Variants in KATNB1 observed in about 807,000 individuals in gnomAD.
KATNB1 encodes the protein katanin regulatory subunit B1.
Under a neutral mutation model 82.3 loss-of-function variants are expected in KATNB1, and 38 were observed. That is an observed-to-expected ratio of 0.46 (90% CI 0.36 to 0.61). The LOEUF is 0.61. Among genes scored for constraint, KATNB1 ranks in the 20% least tolerant of loss-of-function variants. The probability of loss-of-function intolerance (pLI) is 0.00; values close to 1 mark genes in which losing one functional copy is unlikely to be tolerated. For missense variants in KATNB1, 749 were observed against 915.7 expected, an observed-to-expected ratio of 0.82 and a Z score of 2.35; for synonymous variants, 361 against 368.7, an observed-to-expected ratio of 0.98 and a Z score of 0.24.
Position 57,753,406 on chromosome 16 carries a change from A to T in KATNB1, c.1064A>T (p.Glu355Val), listed in dbSNP as rs1408674053. 1 of 1,612,260 alleles carries T rather than the reference A, an allele frequency of 6.2e-7. No homozygotes were observed. The highest frequency in any genetic ancestry group is 8.5e-7 in the Non-Finnish European group (1 of 1,179,554). Reference sequence around the variant, plus strand: ...GCTCCCAGGGTGAAGCAGAACTCAGAGAGCGAGCGCCGCAGCCCCAGCAGC... The same window carrying T: ...GCTCCCAGGGTGAAGCAGAACTCAGTGAGCGAGCGCCGCAGCCCCAGCAGC... ...SKPQRVKQNSESERRSPSSED... is the reference protein window; with the variant it reads ...SKPQRVKQNSVSERRSPSSED... The change falls in exon 12 of 20, where the codon GAG (glutamate) becomes GTG (valine). Residue 355 changes from glutamate (E) to valine (V), a missense_variant. This residue lies in a region of KATNB1 where 407 missense variants were observed against 434.7 expected (regional missense o/e 0.94). Transcript: ENST00000379661.
chr16:57,752,634 T>C (rs2049237980), intron 9 of KATNB1, 33 bp downstream of exon 9: 4 of 1,548,694 alleles, frequency 2.6e-6, no homozygotes, highest in Non-Finnish European at 3.5e-6. Flanking sequence ...GGCCCAGCGC[T>C]CCTCCCGGCA....
At chr16:57,750,009 C>T (rs1555582565) in intron 4 of KATNB1, among the ~76,000 whole-genome samples, 1 of 152,220 alleles carries the variant, frequency 6.6e-6, no homozygotes, top group Non-Finnish European at 1.5e-5. Flanking sequence ...CCCATCACCT[C>T]CATCTACCTA....
At chr16:57,748,468 TA>T (rs66719702) in intron 4 of KATNB1, among the ~76,000 whole-genome samples, 40 of 134,482 alleles carry the variant, frequency 3.0e-4, no homozygotes, top group Admixed American at 1.1e-3. Flanking sequence ...TCTATTTTTT[TA>T]AAAAAAAAAA....
chr16:57,750,964 G>A (rs2049221983), intron 5 of KATNB1, 37 bp downstream of exon 5: 3 of 1,542,424 alleles, frequency 1.9e-6, no homozygotes, highest in Non-Finnish European at 2.7e-6. Context: ...CTCCTGCTGG[G>A]CCTGTGGCAG....
Position 57,751,918 on chromosome 16 carries a change from C to G in KATNB1, c.517-22C>G. The G allele has an allele frequency of 6.3e-7, 1 of 1,588,638 alleles. No individual in the cohort carries two copies. Among genetic ancestry groups the G allele is most frequent in the Non-Finnish European group, 8.6e-7 (1 of 1,158,224 alleles). ...AGCCAAGATGCCTGGTCACCCTGAC[C>G]TCCTCCCTGCCCTGCCTCCAGCTCT... On this transcript the variant is annotated intron_variant, in intron 7 of 19. Transcript: ENST00000379661. The surrounding 1 kb of genome is among the most constrained non-coding windows in gnomAD (Gnocchi z 6.3).
intron 4 of KATNB1, among the ~76,000 whole-genome samples, chr16:57,748,991 G>GCTA (rs2049204589): frequency 6.6e-6 from 1 of 152,250 alleles, no homozygotes; most frequent in South Asian, 2.1e-4. Context: ...GCACCTGATA[G>GCTA]CTACACGGAG....
At chr16:57,752,368 C>T (rs895158671) in intron 8 of KATNB1, 162 bp from the exon 9 acceptor site, 10 of 707,590 alleles carry the variant, frequency 1.4e-5, no homozygotes, top group Non-Finnish European at 1.9e-5. Flanking sequence ...GCCATCGGGC[C>T]GAGCCTCCCC....
At chr16:57,746,491 G>A (rs12708992) in intron 4 of KATNB1, among the ~76,000 whole-genome samples, 14,807 of 152,260 alleles carry the variant, frequency 0.097, 897 homozygotes, top group African/African-American at 0.16. Context: ...ATGCGGTTGT[G>A]GTCTGGAAAC....
chr16:57,756,699 G>A, intron 19 of KATNB1, 115 bp from the exon 20 acceptor site: 1 of 1,426,872 alleles, frequency 7.0e-7, no homozygotes, highest in African/African-American at 1.4e-5. Context: ...TCCCCTCTGG[G>A]CCTCCGCCTT....
rs941877483 is a variant in KATNB1, at chr16:57,752,820, C to T, written c.747C>T (p.Gly249=). The change falls in exon 10 of 20, where the codon GGC becomes GGT. Residue 249 remains glycine, a synonymous_variant. Transcript: ENST00000379661. ...CAGACGGCTGCTGCCTGTACAGCGG[C>T]TGCCAGGACTCACTGCGTGTCTACG... ...FNPDGCCLYS[G]CQDSLRVYGW... 2.6e-5 allele frequency: 42 copies of T among 1,611,056 alleles called. No homozygotes were observed. The highest frequency in any genetic ancestry group is 3.6e-5 in the Non-Finnish European group (42 of 1,179,754).
In KATNB1 at chr16:57,751,318, G is replaced by C. The variant is rs782009135; in HGVS notation, c.432+16G>C. 20 of 1,612,510 alleles carry C rather than the reference G, an allele frequency of 1.2e-5. No individual in the cohort carries two copies. The South Asian group carries it at 2.2e-4, about 18-fold the overall frequency. ...CCGATACAGGGTAAGGATGCGCTCT[G>C]TCGGTGACTCCATGAGCACCTTGCG... On this transcript the variant is annotated intron_variant, in intron 6 of 19. Coordinates refer to ENST00000379661, the MANE Select transcript of KATNB1 (RefSeq NM_005886.3). This position sits in a 1 kb window ranked among gnomAD's most constrained non-coding sequence, Gnocchi z 6.3.
At chr16:57,738,405 G>A (rs762797918) in intron 2 of KATNB1, among the ~76,000 whole-genome samples, 2 of 152,032 alleles carry the variant, frequency 1.3e-5, no homozygotes, top group Non-Finnish European at 2.9e-5. Flanking sequence ...ACAGGCACCC[G>A]CCACCACACC....
In KATNB1 at chr16:57,753,462, G is replaced by T; in HGVS notation, c.1120G>T (p.Ala374Ser). Residue 374 changes from alanine (A) to serine (S), a missense_variant, in exon 12 of 20, where the codon GCG becomes TCG. Ala to Ser is a moderately conservative substitution (Grantham distance 99). Transcript: ENST00000379661. The stretch of plus-strand genomic sequence containing the variant: ...TGACCGGGACGAGCGCGAGTCCCGC[G>T]CGGAGATCCAGAACGCCGAGGACTA... ...EDDRDERESR[A>S]EIQNAEDYNE... 6.2e-7 allele frequency: 1 copy of T among 1,613,238 alleles called. No homozygotes were observed. The highest frequency in any genetic ancestry group is 8.5e-7 in the Non-Finnish European group (1 of 1,179,940).
In KATNB1 at chr16:57,755,363, C is replaced by A; in HGVS notation, c.1435C>A (p.Gln479Lys). Residue 479 changes from glutamine (Q) to lysine (K), a missense_variant, in exon 16 of 20, where the codon CAG becomes AAG. Transcript: ENST00000379661. ...CACGCAGGCCGTGAAGATCCCCCAG[C>A]AGGCCGAGCTGGTGGACGAGGATGC... ...DFLPAVKIPQQAELVDEDAMS... is the reference protein window; with the variant it reads ...DFLPAVKIPQKAELVDEDAMS... 6.2e-7 allele frequency: 1 copy of A among 1,613,292 alleles called. No individual in the cohort carries two copies. The highest frequency in any genetic ancestry group is 8.5e-7 in the Non-Finnish European group (1 of 1,180,002).
intron 1 of KATNB1, chr16:57,736,661 A>G (rs1172309840): frequency 4.7e-6 from 1 of 214,970 alleles, no homozygotes; most frequent in Non-Finnish European, 9.7e-6. Context: ...AACGACTCGC[A>G]GGAAATCTAT....
chr16:57,747,362 G>A (rs1555581706), intron 4 of KATNB1, among the ~76,000 whole-genome samples: 1 of 152,192 alleles, frequency 6.6e-6, no homozygotes, highest in African/African-American at 2.4e-5. Context: ...CTTGGTTCAT[G>A]CTCTATGTTG....
chr16:57,744,094 TC>T, intron 3 of KATNB1, among the ~76,000 whole-genome samples: 1 of 152,160 alleles, frequency 6.6e-6, no homozygotes, highest in East Asian at 1.9e-4. Context: ...GTCCAGTCGC[TC>T]CCCTCCAAGG....
rs11648001 is a variant in KATNB1, at chr16:57,750,937, C to T, written c.390+10C>T. ...GGACACAAACATCAAGGTGAGAGGCCGGTCCGTGCCCCGTGTCTCCTGCTG... is the reference window on the plus strand; with the variant it reads ...GGACACAAACATCAAGGTGAGAGGCTGGTCCGTGCCCCGTGTCTCCTGCTG... On this transcript the variant is annotated intron_variant, in intron 5 of 19. Coordinates refer to ENST00000379661, the MANE Select transcript of KATNB1 (RefSeq NM_005886.3). 2.7e-4 allele frequency: 430 copies of T among 1,606,512 alleles called. No homozygotes were observed. The highest frequency in any genetic ancestry group is 1.6e-3 in the East Asian group (72 of 44,836).
At chr16:57,748,697 C>T (rs1281141133) in intron 4 of KATNB1, among the ~76,000 whole-genome samples, 1 of 152,180 alleles carries the variant, frequency 6.6e-6, no homozygotes, top group Non-Finnish European at 1.5e-5. Flanking sequence ...AGAGCAAGGG[C>T]AGGAGTCAAG....
Sources: allele counts gnomAD v4.1 joint callset (sites outside exome capture counted in the v4.1 genomes callset), GRCh38; gene constraint gnomAD v4.1.1; regional missense constraint gnomAD v4.1.1; non-coding constraint Gnocchi (gnomAD v3.1); transcripts MANE v1.5; gene names NCBI Gene and HGNC (gene_info 2026-07-23, HGNC 2026-07-21).